TIAM1: variants seen among roughly 807,000 people sequenced by gnomAD.
TIAM1 encodes TIAM Rac1 associated GEF 1, also known as rho guanine nucleotide exchange factor TIAM1.
A neutral mutation model predicts 163.5 loss-of-function variants in TIAM1; 65 were observed. That is an observed-to-expected ratio of 0.40 (90% CI 0.33 to 0.49). The LOEUF (loss-of-function observed/expected upper bound fraction) is 0.49, where lower values mean the gene tolerates loss of function less well. Among genes scored for constraint, TIAM1 ranks in the 20% least tolerant of loss-of-function variants. The pLI, the probability that TIAM1 is intolerant of heterozygous loss-of-function variation, is 0.77. For missense variants in TIAM1, 1,789 were observed against 2,044.7 expected (o/e 0.87, Z 2.41); for synonymous variants, 833 against 810.1 (o/e 1.03, Z -0.48).
At chr21:31,335,501 T>G (rs1403761966) in intron 2 of TIAM1, among the ~76,000 whole-genome samples, 6 of 151,926 alleles carry the variant, frequency 3.9e-5, no homozygotes, top group Admixed American at 3.3e-4. Context: ...GGTCAGGAGT[T>G]CAAGACCATC....
intron 2 of TIAM1, among the ~76,000 whole-genome samples, chr21:31,295,285 ACG>A (rs1485061015): frequency 2.6e-5 from 4 of 152,130 alleles, no homozygotes; most frequent in Admixed American, 2.6e-4. Flanking sequence ...CCCGGCTAAC[ACG>A]GTGAAACCCC....
intron 14 of TIAM1, among the ~76,000 whole-genome samples, chr21:31,185,180 A>G (rs1393879481): frequency 6.6e-6 from 1 of 151,988 alleles, no homozygotes; most frequent in Non-Finnish European, 1.5e-5. Flanking sequence ...TACAAATCCC[A>G]TAGCAAGAAG....
At chr21:31,521,179 C>A (rs2047569068) in intron 1 of TIAM1, among the ~76,000 whole-genome samples, 1 of 152,186 alleles carries the variant, frequency 6.6e-6, no homozygotes. Flanking sequence ...TAAAAAGAAA[C>A]CCTCATCCTA....
intron 11 of TIAM1, among the ~76,000 whole-genome samples, chr21:31,205,594 A>G (rs1372655385): frequency 2.0e-5 from 3 of 152,236 alleles, no homozygotes; most frequent in Non-Finnish European, 4.4e-5. Flanking sequence ...AAACATGCAG[A>G]GAATGTCAAG....
intron 6 of TIAM1, among the ~76,000 whole-genome samples, chr21:31,242,146 T>G (rs2071215369): frequency 6.6e-6 from 1 of 152,124 alleles, no homozygotes; most frequent in Non-Finnish European, 1.5e-5. Flanking sequence ...AGAACTAAAA[T>G]AAACCATGTC....
intron 1 of TIAM1, among the ~76,000 whole-genome samples, chr21:31,528,999 A>G (rs7284010): frequency 0.037 from 5,483 of 147,278 alleles, 339 homozygotes; most frequent in African/African-American, 0.13. Flanking sequence ...TCAGCTCACT[A>G]CAAGCTCCGC....
chr21:31,400,538 C>A (rs2077147551), intron 2 of TIAM1, among the ~76,000 whole-genome samples: 1 of 152,206 alleles, frequency 6.6e-6, no homozygotes, highest in South Asian at 2.1e-4. Context: ...TATATCCCAA[C>A]TGCCTAGTAA....
chr21:31,339,124 G>A (rs1160098154), intron 2 of TIAM1, 119 bp downstream of exon 2: 6 of 384,444 alleles, frequency 1.6e-5, no homozygotes, highest in Non-Finnish European at 2.8e-5. Context: ...CAAAACAATC[G>A]TCACAAACAA....
intron 2 of TIAM1, among the ~76,000 whole-genome samples, chr21:31,442,454 A>T (rs1254351507): frequency 6.6e-6 from 1 of 151,954 alleles, no homozygotes; most frequent in Non-Finnish European, 1.5e-5. Context: ...GCTGGTATGG[A>T]ACGTCTGACT....
rs1568849523 is a variant in TIAM1 at position 31,118,546 on chromosome 21, T to C, written c.*1822A>G. On this transcript the variant is annotated 3_prime_UTR_variant, in exon 28 of 28. Transcript: ENST00000541036. ...AAGAACTTTTGACATAGACACGTCA[T>C]GACCTTATGTACAAGAGACAATGGC... The C allele has an allele frequency of 4.3e-6, 2 of 470,422 alleles. No individual in the cohort carries two copies. Among genetic ancestry groups the C allele is most frequent in the Non-Finnish European group, 4.4e-6 (1 of 226,916 alleles). 29.1% of individuals were successfully genotyped at this position (470,422 alleles called of 1,614,324 possible).
intron 16 of TIAM1, among the ~76,000 whole-genome samples, chr21:31,157,134 G>GA (rs2083661578): frequency 6.6e-6 from 1 of 152,234 alleles, no homozygotes; most frequent in Non-Finnish European, 1.5e-5. Flanking sequence ...TCTGGTCAAA[G>GA]AAAAAATCAC....
At chr21:31,358,851 C>T (rs1193855337) in intron 2 of TIAM1, among the ~76,000 whole-genome samples, 2 of 152,136 alleles carry the variant, frequency 1.3e-5, no homozygotes, top group African/African-American at 4.8e-5. Context: ...CACAGCATTC[C>T]TCCGCTCAAG....
intron 27 of TIAM1, among the ~76,000 whole-genome samples, chr21:31,121,157 T>A (rs1006672309): frequency 6.6e-6 from 1 of 152,074 alleles, no homozygotes; most frequent in Non-Finnish European, 1.5e-5. Flanking sequence ...CCTGTGCACC[T>A]AAGAGATGGG....
At chr21:31,186,819 A>G (rs1225216072) in intron 14 of TIAM1, among the ~76,000 whole-genome samples, 182 bp downstream of exon 14, 1 of 152,060 alleles carries the variant, frequency 6.6e-6, no homozygotes, top group Non-Finnish European at 1.5e-5. Context: ...CAAGAATATG[A>G]CCTTTCTGGT....
At chr21:31,285,068 T>C (rs2073742264) in intron 2 of TIAM1, among the ~76,000 whole-genome samples, 1 of 152,176 alleles carries the variant, frequency 6.6e-6, no homozygotes, top group Non-Finnish European at 1.5e-5. Flanking sequence ...TCCCTTACCA[T>C]GCAGCCAAGA....
chr21:31,430,235 T>TACACACACACAC (rs1252878843), intron 2 of TIAM1, among the ~76,000 whole-genome samples: 1 of 130,032 alleles, frequency 7.7e-6, no homozygotes, highest in Admixed American at 7.9e-5. Flanking sequence ...AATATATATA[T>TACACACACACAC]ATATATATAT....
chr21:31,415,627 C>T (rs2043345629), intron 2 of TIAM1, among the ~76,000 whole-genome samples: 1 of 152,218 alleles, frequency 6.6e-6, no homozygotes, highest in Admixed American at 6.5e-5. Context: ...TACTTCTCCA[C>T]TATATGAAGA....
At chr21:31,250,349 T>A (rs766238918) in intron 5 of TIAM1, among the ~76,000 whole-genome samples, 2 of 152,156 alleles carry the variant, frequency 1.3e-5, no homozygotes, top group Non-Finnish European at 2.9e-5. Flanking sequence ...TGCTGGTCTC[T>A]GGCACATGCA....
At chr21:31,133,603 T>C (rs1601212826) in intron 23 of TIAM1, among the ~76,000 whole-genome samples, 1 of 152,312 alleles carries the variant, frequency 6.6e-6, no homozygotes, top group African/African-American at 2.4e-5. Flanking sequence ...ACTTACACCA[T>C]GGGTTGGCAA....
Sources: allele counts gnomAD v4.1 joint callset (sites outside exome capture counted in the v4.1 genomes callset), GRCh38; gene constraint gnomAD v4.1.1; transcripts MANE v1.5; gene names NCBI Gene and HGNC (gene_info 2026-07-23, HGNC 2026-07-21).